The following PPP4R4 variants were observed in gnomAD, a reference collection of about 807,000 sequenced individuals.
PPP4R4 encodes the protein protein phosphatase 4 regulatory subunit 4.
Under a neutral mutation model 121.8 loss-of-function variants are expected in PPP4R4, and 70 were observed. The observed-to-expected ratio is 0.57, with a 90% confidence interval of 0.47 to 0.70. The LOEUF (loss-of-function observed/expected upper bound fraction) is 0.70, where lower values mean the gene tolerates loss of function less well. Ranked by LOEUF, PPP4R4 falls within the 30% of genes least tolerant of loss-of-function variation. The pLI is 0.00. For missense variants in PPP4R4, 875 were observed against 1,033.6 expected, an observed-to-expected ratio of 0.85 and a Z score of 2.10; for synonymous variants, 348 against 355.7, an observed-to-expected ratio of 0.98 and a Z score of 0.24.
chr14:94,233,285 A>G (rs1892150063), intron 5 of PPP4R4, among the ~76,000 whole-genome samples: 1 of 152,238 alleles, frequency 6.6e-6, no homozygotes, highest in Admixed American at 6.5e-5. Flanking sequence ...ATTAGGATAC[A>G]TATAAAAATT....
chr14:94,186,021 A>C (rs1350482824), intron 2 of PPP4R4, among the ~76,000 whole-genome samples: 1 of 152,214 alleles, frequency 6.6e-6, no homozygotes, highest in East Asian at 1.9e-4. Context: ...CTGTTCTGGA[A>C]TCTAGCCATA....
chr14:94,242,684 G>T (rs1197170413), intron 11 of PPP4R4, among the ~76,000 whole-genome samples: 1 of 152,096 alleles, frequency 6.6e-6, no homozygotes. Flanking sequence ...GTAGATATGG[G>T]TGATGCGGAT....
chr14:94,186,508 T>C (rs1451572088), intron 2 of PPP4R4, among the ~76,000 whole-genome samples: 1 of 152,240 alleles, frequency 6.6e-6, no homozygotes, highest in East Asian at 1.9e-4. Flanking sequence ...CATCAGTTGA[T>C]GGACATTTGG....
At chr14:94,227,904 A>C in intron 3 of PPP4R4, 1 of 976,218 alleles carries the variant, frequency 1.0e-6, no homozygotes, top group Non-Finnish European at 1.2e-6. Flanking sequence ...TCCAAACCCC[A>C]AATTGTTAGT....
intron 3 of PPP4R4, among the ~76,000 whole-genome samples, chr14:94,222,456 T>C (rs1350447187): frequency 1.3e-5 from 2 of 151,940 alleles, no homozygotes; most frequent in Non-Finnish European, 2.9e-5. Context: ...GTTACTGTTG[T>C]TAGCTATTTT....
chr14:94,202,931 C>T (rs756494664), intron 2 of PPP4R4, among the ~76,000 whole-genome samples: 11 of 150,636 alleles, frequency 7.3e-5, no homozygotes, highest in Admixed American at 2.0e-4. Flanking sequence ...TGCAGTGAGC[C>T]GAGATTGCAC....
chr14:94,266,079 T>C (rs978187722), intron 22 of PPP4R4, among the ~76,000 whole-genome samples, 192 bp downstream of exon 22: 4 of 152,152 alleles, frequency 2.6e-5, no homozygotes, highest in African/African-American at 4.8e-5. Flanking sequence ...TTCACAAAAA[T>C]AGGTATTCTG....
chr14:94,256,871 G>C (rs1021928109), intron 17 of PPP4R4, among the ~76,000 whole-genome samples: 1 of 152,086 alleles, frequency 6.6e-6, no homozygotes, highest in African/African-American at 2.4e-5. Flanking sequence ...AATAAACACT[G>C]TTCAATTAAT....
Position 94,250,363 on chromosome 14 carries a change from C to T in PPP4R4, c.1717+86C>T, listed in dbSNP as rs1029423922. 5.8e-6 allele frequency: 5 copies of T among 858,986 alleles called. No individual in the cohort carries two copies. The Admixed American group carries it at 6.2e-5, about 11-fold the overall frequency. The allele number at this position is 858,986 out of a possible 1,614,324, so 53.2% of individuals were successfully genotyped here. ...TATGTCTAACTTATGTATCATTTTG[C>T]TGTGAATAATTAGGTTACTATTGGG... On this transcript the variant is annotated intron_variant, in intron 15 of 24. Transcript: ENST00000304338.
intron 3 of PPP4R4, among the ~76,000 whole-genome samples, chr14:94,225,872 T>G (rs1450875642): frequency 6.6e-6 from 1 of 152,186 alleles, no homozygotes; most frequent in Non-Finnish European, 1.5e-5. Flanking sequence ...AAGCCCTGTT[T>G]CCTCTTTCTT....
At chr14:94,250,760 T>G (rs8005318) in intron 15 of PPP4R4, among the ~76,000 whole-genome samples, 55,123 of 151,712 alleles carry the variant, frequency 0.36, 11,672 homozygotes, top group East Asian at 0.62. Context: ...TTTTAATTTG[T>G]TAAGAGCTAA....
rs74074208 is a variant in PPP4R4 at position 94,180,433 on chromosome 14, A to G, written c.191+4306A>G. 3.1e-3 allele frequency among the ~76,000 whole-genome samples: 478 copies of G among 152,230 alleles called. 2 individuals are homozygous for G. The highest frequency in any genetic ancestry group is 0.011 in the African/African-American group (462 of 41,548). ...CAAATGACCCTAAGTAATATTTGCT[A>G]TTATGCATTAAATGTATTGATTGGT... On this transcript the variant is annotated intron_variant, in intron 2 of 24. Transcript: ENST00000304338.
At chr14:94,178,515 A>G (rs1323043634) in intron 2 of PPP4R4, among the ~76,000 whole-genome samples, 3 of 151,826 alleles carry the variant, frequency 2.0e-5, no homozygotes, top group African/African-American at 4.8e-5. Flanking sequence ...TTCTGATAGC[A>G]TTTAGATTGA....
At chr14:94,212,875 C>G (rs935667330) in intron 3 of PPP4R4, among the ~76,000 whole-genome samples, 2 of 151,944 alleles carry the variant, frequency 1.3e-5, no homozygotes, top group African/African-American at 4.8e-5. Context: ...CATTACAATC[C>G]AATGCAAAAA....
chr14:94,231,595 G>C (rs1363514768), intron 5 of PPP4R4, among the ~76,000 whole-genome samples: 1 of 151,994 alleles, frequency 6.6e-6, no homozygotes, highest in East Asian at 1.9e-4. Context: ...TGATCATACT[G>C]AATTTATATA....
intron 3 of PPP4R4, 64 bp from the exon 4 acceptor site, chr14:94,230,523 T>G (rs1595501219): frequency 1.4e-6 from 2 of 1,458,274 alleles, no homozygotes; most frequent in East Asian, 4.6e-5. Flanking sequence ...AACCTTGGAT[T>G]TTTAAAAATT....
intron 3 of PPP4R4, among the ~76,000 whole-genome samples, chr14:94,226,377 A>G (rs532897656): frequency 2.0e-5 from 3 of 152,232 alleles, no homozygotes; most frequent in South Asian, 4.1e-4. Context: ...ATGGTAAAAC[A>G]TATCTCCCTT....
chr14:94,273,227 A>G (rs1198074670), intron 23 of PPP4R4, among the ~76,000 whole-genome samples: 1 of 152,226 alleles, frequency 6.6e-6, no homozygotes, highest in Non-Finnish European at 1.5e-5. Flanking sequence ...GAAACAAACA[A>G]ATTATTCTTC....
intron 8 of PPP4R4, among the ~76,000 whole-genome samples, chr14:94,237,999 G>A (rs754838306): frequency 6.6e-6 from 1 of 152,226 alleles, no homozygotes; most frequent in Non-Finnish European, 1.5e-5. Flanking sequence ...TTTCTGATGA[G>A]GGCCTCATGC....
Sources: allele counts gnomAD v4.1 joint callset (sites outside exome capture counted in the v4.1 genomes callset), GRCh38; gene constraint gnomAD v4.1.1; transcripts MANE v1.5; gene names NCBI Gene and HGNC (gene_info 2026-07-23, HGNC 2026-07-21).